PLXNA1: variants seen among roughly 807,000 people sequenced by gnomAD.
The protein encoded by PLXNA1 is plexin A1, also known as plexin-A1.
A neutral mutation model predicts 191.7 loss-of-function variants in PLXNA1; 77 were observed. The observed-to-expected ratio is 0.40, with a 90% confidence interval of 0.33 to 0.49. PLXNA1 has a LOEUF of 0.49. Ranked by LOEUF, PLXNA1 falls within the 20% of genes least tolerant of loss-of-function variation. The pLI, the probability that PLXNA1 is intolerant of heterozygous loss-of-function variation, is 0.63. For synonymous variants in PLXNA1, 1,137 were observed against 1,156.4 expected, an observed-to-expected ratio of 0.98 and a Z score of 0.34; for missense variants, 2,110 against 2,660.2, an observed-to-expected ratio of 0.79 and a Z score of 4.55.
At chr3:126,983,667 C>G (rs1186610463) in intron 1 of PLXNA1, among the ~76,000 whole-genome samples, 3 of 150,670 alleles carry the variant, frequency 2.0e-5, no homozygotes, top group Non-Finnish European at 4.4e-5. Flanking sequence ...TGGCGGGGGG[C>G]GGGCGCTGCC....
chr3:127,033,142 T>C (rs911967618), intron 31 of PLXNA1, among the ~76,000 whole-genome samples: 22 of 152,152 alleles, frequency 1.4e-4, no homozygotes, highest in African/African-American at 5.1e-4. Flanking sequence ...CCTGAGGGGC[T>C]CATTTCAGGG....
intron 29 of PLXNA1, 92 bp downstream of exon 29, chr3:127,030,504 C>G (rs527392446): frequency 2.7e-6 from 4 of 1,464,940 alleles, no homozygotes; most frequent in Admixed American, 1.9e-5. Context: ...GGAGCCCCCA[C>G]TTGGGGCTCC....
intron 23 of PLXNA1, among the ~76,000 whole-genome samples, chr3:127,024,353 G>A (rs1158179805): frequency 6.6e-6 from 1 of 152,242 alleles, no homozygotes; most frequent in Non-Finnish European, 1.5e-5. Flanking sequence ...TGGCAGTGGG[G>A]CACTGTGGAG....
intron 3 of PLXNA1, among the ~76,000 whole-genome samples, chr3:127,000,195 G>A (rs1486949313): frequency 6.6e-6 from 1 of 152,134 alleles, no homozygotes; most frequent in East Asian, 1.9e-4. Flanking sequence ...GGAAGGTTCT[G>A]GTGGTCTTTG....
intron 3 of PLXNA1, among the ~76,000 whole-genome samples, chr3:127,000,564 G>A (rs2079035461): frequency 6.6e-6 from 1 of 152,138 alleles, no homozygotes; most frequent in Non-Finnish European, 1.5e-5. Context: ...CCCACTTTAC[G>A]AGCAGCCTCT....
At chr3:126,988,133 T>C (rs1210941187) in intron 1 of PLXNA1, among the ~76,000 whole-genome samples, 4 of 152,118 alleles carry the variant, frequency 2.6e-5, no homozygotes, top group Non-Finnish European at 4.4e-5. Flanking sequence ...GGGAGGGTCC[T>C]GCTCCCCAGT....
At chr3:127,012,743 G>A (rs1441288788) in intron 10 of PLXNA1, among the ~76,000 whole-genome samples, 1 of 152,264 alleles carries the variant, frequency 6.6e-6, no homozygotes, top group Non-Finnish European at 1.5e-5. Context: ...GTCAGGTGCA[G>A]TGCGTTCAGT....
chr3:127,014,076 G>A lies in PLXNA1; in HGVS notation c.2370G>A (p.Trp790Ter). The A allele has an allele frequency of 6.2e-7, 1 of 1,613,994 alleles. No homozygotes were observed. The change falls in exon 11 of 32, where the codon TGG becomes TGA. Residue 790 changes from tryptophan to a stop codon, truncating the protein, a stop_gained. Coordinates refer to ENST00000393409, the MANE Select transcript of PLXNA1 (RefSeq NM_032242.4). LOFTEE classifies it high-confidence loss of function. ...SDLPVNLSVV[W>*]NGNFVIDNPQ... ...TGCCAGTGAACCTGTCAGTCGTGTG[G>A]AACGGCAACTTTGTCATTGACAACC...
In PLXNA1 at chr3:127,005,496, G is replaced by A. The variant is rs1323501667; in HGVS notation, c.1897+253G>A. Among the ~76,000 whole-genome samples the A allele has an allele frequency of 2.6e-5, 4 of 152,282 alleles. No homozygotes were observed. In the East Asian group the frequency reaches 5.8e-4, roughly 22 times the overall value. On this transcript the variant is annotated intron_variant, in intron 7 of 31. Coordinates refer to ENST00000393409, the MANE Select transcript of PLXNA1 (RefSeq NM_032242.4). ...ACATCCTTCTTAGGATTTATCTTAT[G>A]GGCTCACCATACATTTACAGTAGGA...
chr3:127,008,043 G>A, intron 9 of PLXNA1, 130 bp downstream of exon 9: 1 of 609,370 alleles, frequency 1.6e-6, no homozygotes, highest in Admixed American at 3.0e-5. Flanking sequence ...TCACCGTGTG[G>A]TGCATGCACC....
intron 21 of PLXNA1, 72 bp from the exon 22 acceptor site, chr3:127,022,013 G>A (rs2079153929): frequency 7.7e-6 from 12 of 1,559,012 alleles, no homozygotes; most frequent in Non-Finnish European, 1.0e-5. Context: ...GGCCTGGACA[G>A]CCCCTCACTG....
chr3:127,033,955 C>T lies in PLXNA1; in HGVS notation c.5629C>T (p.Arg1877Trp), dbSNP rs769365696. 37 of 1,605,454 alleles carry T rather than the reference C, an allele frequency of 2.3e-5. No homozygotes were observed. The highest frequency in any genetic ancestry group is 2.7e-5 in the African/African-American group (2 of 74,966). ...LAALEKDEQARRQRLRSKLEQ... is the reference protein window; with the variant it reads ...LAALEKDEQAWRQRLRSKLEQ... ...AGCCCTGGAGAAGGATGAGCAGGCGCGGCGGCAGCGGCTGCGGAGCAAGCT... is the reference window on the plus strand; with the variant it reads ...AGCCCTGGAGAAGGATGAGCAGGCGTGGCGGCAGCGGCTGCGGAGCAAGCT... Residue 1877 changes from arginine (R) to tryptophan (W), a missense_variant, in exon 32 of 32, where the codon CGG becomes TGG. This residue lies in a region of PLXNA1 where 559 missense variants were observed against 911.5 expected (regional missense o/e 0.61). Transcript: ENST00000393409.
chr3:126,989,112 C>T lies in PLXNA1; in HGVS notation c.519C>T (p.Leu173=), dbSNP rs1332260685. 6.2e-6 allele frequency: 10 copies of T among 1,612,944 alleles called. No homozygotes were observed. The highest frequency in any genetic ancestry group is 7.6e-6 in the Non-Finnish European group (9 of 1,179,994). ...AGGCAGGCAGCATGGCGGGCGTGCT[C>T]ATTGCCGGGCCACCGGGCCAGGGCC... is the stretch of plus-strand genomic sequence containing the variant. The part of the protein sequence containing the change: ...VQEAGSMAGV[L]IAGPPGQGQA... Residue 173 remains leucine (L), a synonymous_variant, in exon 2 of 32, where the codon CTC becomes CTT. Transcript: ENST00000393409.
At chr3:127,028,965 C>T (rs1372205101) in intron 25 of PLXNA1, 28 bp from the exon 26 acceptor site, 2 of 1,592,100 alleles carry the variant, frequency 1.3e-6, no homozygotes, top group Admixed American at 1.7e-5. Flanking sequence ...CCCCAGCGGC[C>T]CCACCCTCCA....
intron 6 of PLXNA1, 29 bp from the exon 7 acceptor site, chr3:127,005,061 G>C (rs1428867779): frequency 4.3e-6 from 7 of 1,611,028 alleles, no homozygotes; most frequent in Non-Finnish European, 5.9e-6. Flanking sequence ...TGGGGACCCT[G>C]CTCACCATGC....
In PLXNA1 at chr3:126,991,512, C is replaced by G. The variant is rs1453888140; in HGVS notation, c.1323C>G (p.Asp441Glu). ...DDGLTAVAAYDYRGRTVVFAG... is the reference protein window; with the variant it reads ...DDGLTAVAAYEYRGRTVVFAG... Reference sequence around the variant, plus strand: ...GCCTGACCGCCGTGGCTGCCTATGACTATCGGGGCCGCACTGTGGTATTCG... The same window carrying G: ...GCCTGACCGCCGTGGCTGCCTATGAGTATCGGGGCCGCACTGTGGTATTCG... Residue 441 changes from aspartate (D) to glutamate (E), a missense_variant, in exon 3 of 32, where the codon GAC becomes GAG. Coordinates refer to ENST00000393409, the MANE Select transcript of PLXNA1 (RefSeq NM_032242.4). 6.2e-7 allele frequency: 1 copy of G among 1,611,992 alleles called. No individual in the cohort carries two copies. The highest frequency in any genetic ancestry group is 8.5e-7 in the Non-Finnish European group (1 of 1,179,380).
chr3:126,987,413 G>A (rs542114466), intron 1 of PLXNA1, among the ~76,000 whole-genome samples: 2 of 152,356 alleles, frequency 1.3e-5, no homozygotes, highest in Admixed American at 6.5e-5. Context: ...GGACCTGGCT[G>A]TAGGTGGTTG....
intron 7 of PLXNA1, among the ~76,000 whole-genome samples, chr3:127,005,597 A>G (rs2079063242): frequency 1.3e-5 from 2 of 152,150 alleles, no homozygotes; most frequent in Non-Finnish European, 2.9e-5. Context: ...TAAGGTCTTT[A>G]GGTGTCCCAT....
intron 23 of PLXNA1, among the ~76,000 whole-genome samples, chr3:127,023,365 C>T (rs191236953): frequency 9.8e-5 from 15 of 152,358 alleles, no homozygotes; most frequent in South Asian, 6.2e-4. Flanking sequence ...AGTTGAATTG[C>T]TGTCTGCACT....
Sources: allele counts gnomAD v4.1 joint callset (sites outside exome capture counted in the v4.1 genomes callset), GRCh38; gene constraint gnomAD v4.1.1; regional missense constraint gnomAD v4.1.1; transcripts MANE v1.5; gene names NCBI Gene and HGNC (gene_info 2026-07-23, HGNC 2026-07-21).